Variants in ATP8B4 observed in about 807,000 individuals in gnomAD.
ATP8B4 encodes ATPase phospholipid transporting 8B4 (putative).
A neutral mutation model predicts 145.6 loss-of-function variants in ATP8B4; 133 were observed. The ratio of observed to expected loss-of-function variants is 0.91; its 90% CI spans 0.79 to 1.05. The LOEUF (loss-of-function observed/expected upper bound fraction) is 1.05, where lower values mean the gene tolerates loss of function less well. ATP8B4 is among the 50% of genes least tolerant of loss of function. The pLI is 0.00. For missense variants in ATP8B4, 1,458 were observed against 1,425.2 expected (o/e 1.02, Z -0.37); for synonymous variants, 507 against 492.9 (o/e 1.03, Z -0.38).
chr15:50,139,368 T>A (rs2044177047), intron 1 of ATP8B4, among the ~76,000 whole-genome samples: 1 of 151,306 alleles, frequency 6.6e-6, no homozygotes, highest in Non-Finnish European at 1.5e-5. Flanking sequence ...TTCTCACTCA[T>A]AAGTGGGAGT....
At position 49,931,138 on chromosome 15, in the gene ATP8B4, T is replaced by C. The variant is rs773203423; in HGVS notation, c.1623A>G (p.Arg541=). 103 of 1,611,346 alleles carry C rather than the reference T, an allele frequency of 6.4e-5. No individual in the cohort carries two copies. The highest frequency in any genetic ancestry group is 8.3e-5 in the Non-Finnish European group (98 of 1,178,414). Residue 541 remains arginine, a synonymous_variant, in exon 16 of 28, where the codon AGA becomes AGG. Transcript: ENST00000284509. The stretch of plus-strand genomic sequence containing the variant: ...CCATACCTATGACAGACATCCTTTT[T>C]CTGGTGTTGTTGAAATCCAAAAAGG... ...LLAFLDFNNT[R]KRMSVIVRNP... is the part of the protein sequence containing the mutation.
At chr15:49,897,965 G>C in intron 22 of ATP8B4, 103 bp downstream of exon 22, 1 of 1,296,654 alleles carries the variant, frequency 7.7e-7, no homozygotes, top group Non-Finnish European at 1.1e-6. Context: ...AGAATCACTG[G>C]CAAAATTAAA....
At chr15:50,129,451 TC>T (rs1216550755) in intron 1 of ATP8B4, among the ~76,000 whole-genome samples, 1 of 152,118 alleles carries the variant, frequency 6.6e-6, no homozygotes, top group Non-Finnish European at 1.5e-5. Context: ...TGTAGACCCA[TC>T]CCTCCACACT....
intron 20 of ATP8B4, among the ~76,000 whole-genome samples, chr15:49,906,554 A>T (rs1442377064): frequency 1.3e-5 from 2 of 152,186 alleles, no homozygotes; most frequent in Non-Finnish European, 2.9e-5. Context: ...CTTCAGGAGG[A>T]TCTGCAGAGC....
intron 23 of ATP8B4, among the ~76,000 whole-genome samples, chr15:49,888,964 C>T (rs2036505529): frequency 6.6e-6 from 1 of 152,152 alleles, no homozygotes; most frequent in Non-Finnish European, 1.5e-5. Flanking sequence ...AGCTATGACA[C>T]ACCCCGCAAG....
rs553392834 is a variant in ATP8B4, at chr15:49,960,163, G to A, written c.1287+1814C>T. Among the ~76,000 whole-genome samples, 13 of 152,082 alleles carry A rather than the reference G, an allele frequency of 8.5e-5. No homozygotes were observed. The South Asian group carries it at 2.7e-3, about 32-fold the overall frequency. On this transcript the variant is annotated intron_variant, in intron 14 of 27. Transcript: ENST00000284509. ...CTGCCTCAGGCTCCCAAGTAGCTGG[G>A]ACTATAGGCACCACCACCACGCTTG...
At chr15:50,156,933 T>C (rs1254374997) in intron 1 of ATP8B4, among the ~76,000 whole-genome samples, 2 of 152,216 alleles carry the variant, frequency 1.3e-5, no homozygotes, top group Non-Finnish European at 2.9e-5. Flanking sequence ...ATCTACCATT[T>C]AGTGTGTTTA....
chr15:50,000,906 C>CT (rs961506185), intron 8 of ATP8B4, among the ~76,000 whole-genome samples: 12 of 151,768 alleles, frequency 7.9e-5, no homozygotes, highest in African/African-American at 2.4e-4. Context: ...AGTGTATAGT[C>CT]TTTTTTTTGA....
chr15:49,969,838 A>G (rs2044923885), intron 13 of ATP8B4, among the ~76,000 whole-genome samples: 1 of 152,238 alleles, frequency 6.6e-6, no homozygotes, highest in Non-Finnish European at 1.5e-5. Context: ...ATTTCAGACC[A>G]ATATCCCTGA....
chr15:50,105,292 G>C (rs1029880780), intron 2 of ATP8B4, among the ~76,000 whole-genome samples: 1 of 145,970 alleles, frequency 6.9e-6, no homozygotes, highest in Admixed American at 6.9e-5. Flanking sequence ...GTGTGTGTTT[G>C]TACATATGAG....
rs543315160 is a variant in ATP8B4 at position 49,972,541 on chromosome 15, T to G, written c.1243+41A>C. ...TAATGGGGTCAGTTATTCAAGAAATTGTTAACAATATCGTTAAGAGAAAGG... is the reference window on the plus strand; with the variant it reads ...TAATGGGGTCAGTTATTCAAGAAATGGTTAACAATATCGTTAAGAGAAAGG... On this transcript the variant is annotated intron_variant, in intron 13 of 27. Transcript: ENST00000284509. 2.0e-5 allele frequency: 32 copies of G among 1,567,136 alleles called. No individual in the cohort carries two copies. In the African/African-American group the frequency reaches 4.4e-4, roughly 21 times the overall value.
At chr15:50,074,607 G>C (rs2054060520) in intron 2 of ATP8B4, among the ~76,000 whole-genome samples, 1 of 152,192 alleles carries the variant, frequency 6.6e-6, no homozygotes, top group South Asian at 2.1e-4. Flanking sequence ...GAACTGGCCA[G>C]TGAGGTCACT....
chr15:50,160,244 C>T (rs2044496655), intron 1 of ATP8B4, among the ~76,000 whole-genome samples: 1 of 151,274 alleles, frequency 6.6e-6, no homozygotes, highest in South Asian at 2.1e-4. Flanking sequence ...GTTGAAATGT[C>T]TTCTTTTTCA....
rs1458982604 is a variant in ATP8B4, at chr15:50,138,415, ATAG to A, written c.-42-31410_-42-31408del. On this transcript the variant is annotated intron_variant, in intron 1 of 3. Transcript: ENST00000558829. ...AGACAGACAGACAGAGAGATGATAGATAGATAGAGAGATAGACAGACAGATGAT... is the reference window on the plus strand; with the variant it reads ...AGACAGACAGACAGAGAGATGATAGAATAGAGAGATAGACAGACAGATGAT... Among the ~76,000 whole-genome samples the A allele has an allele frequency of 4.5e-3, 629 of 139,156 alleles. 17 individuals carry two copies. In the East Asian group the frequency reaches 0.084, roughly 19 times the overall value. 91.3% of individuals were successfully genotyped at this position (139,156 alleles called of 152,430 possible). A position where few individuals can be genotyped will look rare whatever the true frequency, so the allele number is the denominator to read the frequency against.
chr15:50,035,181 G>T (rs909110344), intron 6 of ATP8B4, among the ~76,000 whole-genome samples: 17 of 152,290 alleles, frequency 1.1e-4, no homozygotes, highest in African/African-American at 3.9e-4. Flanking sequence ...TGTAGAGGAA[G>T]GTTAGAAGGG....
chr15:49,955,837 A>C (rs34608510), intron 14 of ATP8B4, among the ~76,000 whole-genome samples: 7,344 of 152,280 alleles, frequency 0.048, 214 homozygotes, highest in South Asian at 0.099. Context: ...TGAAACATGA[A>C]ATAAAATGGT....
chr15:49,865,842 A>T (rs933878756), intron 26 of ATP8B4, among the ~76,000 whole-genome samples: 1 of 152,230 alleles, frequency 6.6e-6, no homozygotes, highest in African/African-American at 2.4e-5. Flanking sequence ...CTGACTGACT[A>T]ACTACAAAGC....
intron 14 of ATP8B4, among the ~76,000 whole-genome samples, chr15:49,956,036 T>C (rs1234523655): frequency 6.6e-6 from 1 of 151,992 alleles, no homozygotes. Context: ...TGGAATTCAA[T>C]AAAGAACAGA....
intron 16 of ATP8B4, among the ~76,000 whole-genome samples, chr15:49,929,129 C>T (rs935257381): frequency 6.6e-6 from 1 of 151,968 alleles, no homozygotes. Context: ...CCAAGGGGCA[C>T]AAAAGCTATG....
Sources: gnomAD v4.1 joint callset for allele counts (sites outside exome capture counted in the v4.1 genomes callset) on GRCh38, gnomAD v4.1.1 for gene constraint, MANE v1.5 for transcripts, NCBI Gene and HGNC (gene_info 2026-07-23, HGNC 2026-07-21) for gene names.